The following PDE8B variants were observed in gnomAD, a reference collection of about 807,000 sequenced individuals.
The protein encoded by PDE8B is phosphodiesterase 8B.
PDE8B carries 26 observed loss-of-function variants against 101.3 expected under a neutral mutation model. The observed-to-expected ratio is 0.26, with a 90% CI of 0.19 to 0.36. The LOEUF (loss-of-function observed/expected upper bound fraction) is 0.36, where lower values mean the gene tolerates loss of function less well. Ranked by LOEUF, PDE8B falls within the 10% of genes least tolerant of loss-of-function variation. The pLI is 1.00. For missense variants in PDE8B, 810 were observed against 1,163.1 expected (o/e 0.70, Z 4.42); for synonymous variants, 424 against 429.3 (o/e 0.99, Z 0.15).
chr5:77,407,402 G>A lies in PDE8B; in HGVS notation c.1310G>A (p.Arg437His), dbSNP rs755981194. ...CCAGCACCAAGCCTGCAGAATCGTCGCTATCCGTCCATGGCGAGGATCCAC... is the reference window on the plus strand; with the variant it reads ...CCAGCACCAAGCCTGCAGAATCGTCACTATCCGTCCATGGCGAGGATCCAC... ...GSDAPSLQNRRYPSMARIHSM... is the reference protein window; with the variant it reads ...GSDAPSLQNRHYPSMARIHSM... Residue 437 changes from arginine (R) to histidine (H), a missense_variant, in exon 13 of 22, where the codon CGC (arginine) becomes CAC (histidine). Arg to His is a conservative substitution (Grantham distance 29). Around this residue, in one of 4 missense-constraint regions of PDE8B, gnomAD observed 75 missense variants for 76.9 expected, o/e 0.98. Coordinates refer to ENST00000264917, the MANE Select transcript of PDE8B (RefSeq NM_003719.5). The A allele has an allele frequency of 9.9e-6, 16 of 1,614,042 alleles. No homozygotes were observed. The highest frequency in any genetic ancestry group is 1.7e-5 in the Admixed American group (1 of 60,026).
upstream of PDE8B, among the ~76,000 whole-genome samples, chr5:77,210,191 A>C (rs931579396): frequency 1.2e-4 from 19 of 152,172 alleles, no homozygotes; most frequent in Admixed American, 4.6e-4. This position sits in a 1 kb window ranked among gnomAD's most constrained non-coding sequence, Gnocchi z 4.9. Flanking sequence ...CCTTCAGGGG[A>C]AGAGGGGCTG....
chr5:77,319,736 C>T (rs1343044997), intron 2 of PDE8B, among the ~76,000 whole-genome samples: 1 of 152,126 alleles, frequency 6.6e-6, no homozygotes. Context: ...CAAAAAACTT[C>T]ACATTAATGA....
At chr5:77,115,401 A>G in the PDE8B span, 2 of 152,256 alleles carry the variant, frequency 1.3e-5, no homozygotes, top group African/African-American at 4.8e-5. Context: ...TACTAGGAAT[A>G]TAAAGAAACA....
chr5:77,160,506 G>T, the PDE8B span, among the ~76,000 whole-genome samples: 1 of 152,166 alleles, frequency 6.6e-6, no homozygotes, highest in Non-Finnish European at 1.5e-5. Context: ...ACTGTAGATT[G>T]TCGTATACTA....
chr5:77,326,098 A>G (rs1286472409), intron 3 of PDE8B, among the ~76,000 whole-genome samples: 1 of 152,214 alleles, frequency 6.6e-6, no homozygotes, highest in Non-Finnish European at 1.5e-5. Context: ...CTCTCCCAAA[A>G]TGAACATCGG....
chr5:77,146,098 C>A, the PDE8B span: 5 of 152,166 alleles, frequency 3.3e-5, no homozygotes, highest in African/African-American at 1.2e-4. Flanking sequence ...GCATTAGGAG[C>A]AAGACGATTT....
chr5:77,108,378 T>C, the PDE8B span, among the ~76,000 whole-genome samples: 12 of 152,310 alleles, frequency 7.9e-5, no homozygotes, highest in Non-Finnish European at 1.5e-4. Flanking sequence ...CTAAGGTTTT[T>C]TCCCTTTAAA....
the PDE8B span, among the ~76,000 whole-genome samples, chr5:77,100,608 T>G: frequency 6.6e-6 from 1 of 152,194 alleles, no homozygotes; most frequent in Non-Finnish European, 1.5e-5. Context: ...GAGGCAACCC[T>G]TGTACAGAGA....
the PDE8B span, among the ~76,000 whole-genome samples, chr5:77,178,403 C>A: frequency 6.6e-6 from 1 of 152,196 alleles, no homozygotes; most frequent in Non-Finnish European, 1.5e-5. Context: ...GCTTTACCTT[C>A]CACAAATCTC....
At chr5:77,153,511 C>T in the PDE8B span, among the ~76,000 whole-genome samples, 1 of 151,122 alleles carries the variant, frequency 6.6e-6, no homozygotes, top group Admixed American at 6.6e-5. Context: ...AGTTTATTTA[C>T]TTACTTATTT....
At chr5:77,188,260 G>C in the PDE8B span, among the ~76,000 whole-genome samples, 1 of 152,164 alleles carries the variant, frequency 6.6e-6, no homozygotes, top group African/African-American at 2.4e-5. Context: ...AATGATATTA[G>C]GAAGGTTGAG....
At chr5:77,222,438 A>G (rs1237842948) in intron 1 of PDE8B, among the ~76,000 whole-genome samples, 2 of 152,198 alleles carry the variant, frequency 1.3e-5, no homozygotes, top group Non-Finnish European at 2.9e-5. Context: ...CCTGACCAAC[A>G]TGGTGAAACC....
At chr5:77,323,918 C>T (rs1476062894) in intron 2 of PDE8B, among the ~76,000 whole-genome samples, 5 of 152,132 alleles carry the variant, frequency 3.3e-5, no homozygotes, top group Non-Finnish European at 5.9e-5. Flanking sequence ...GAGATTGTGC[C>T]ATTGTGCTCT....
intron 1 of PDE8B, among the ~76,000 whole-genome samples, chr5:77,220,339 T>C (rs1329633287): frequency 1.3e-5 from 2 of 152,142 alleles, no homozygotes; most frequent in Non-Finnish European, 2.9e-5. Context: ...CTTAGCCTGA[T>C]CTCCCTACGG....
At chr5:77,207,900 G>C (rs1392921975), upstream of PDE8B, among the ~76,000 whole-genome samples, 1 of 152,122 alleles carries the variant, frequency 6.6e-6, no homozygotes, top group Non-Finnish European at 1.5e-5. Flanking sequence ...TTGAGCTACT[G>C]TCTGCTCTGG....
intron 1 of PDE8B, among the ~76,000 whole-genome samples, chr5:77,300,705 A>G (rs1205415866): frequency 6.6e-6 from 1 of 152,212 alleles, no homozygotes; most frequent in Non-Finnish European, 1.5e-5. Flanking sequence ...GGCTGGGCCT[A>G]AGGCCTTGGG....
intron 1 of PDE8B, among the ~76,000 whole-genome samples, chr5:77,303,008 G>A (rs987732324): frequency 6.6e-6 from 1 of 152,028 alleles, no homozygotes; most frequent in South Asian, 2.1e-4. Flanking sequence ...ATATTCTGAG[G>A]AATTTTAAAT....
At chr5:77,216,039 A>C (rs930603934) in intron 1 of PDE8B, among the ~76,000 whole-genome samples, 2 of 152,172 alleles carry the variant, frequency 1.3e-5, no homozygotes, top group African/African-American at 2.4e-5. Context: ...ACCAAATGAC[A>C]CAAGACCAAC....
the PDE8B span, among the ~76,000 whole-genome samples, chr5:77,153,650 C>T: frequency 6.6e-6 from 1 of 150,544 alleles, no homozygotes; most frequent in African/African-American, 2.5e-5. Flanking sequence ...TCTCAGCTCA[C>T]TGCAACCTCC....
Sources: allele counts gnomAD v4.1 joint callset (sites outside exome capture counted in the v4.1 genomes callset), GRCh38; gene constraint gnomAD v4.1.1; regional missense constraint gnomAD v4.1.1; non-coding constraint Gnocchi (gnomAD v3.1); transcripts MANE v1.5; gene names NCBI Gene and HGNC (gene_info 2026-07-23, HGNC 2026-07-21).